ACTN3: variants seen among roughly 807,000 people sequenced by gnomAD.
The protein encoded by ACTN3 is actinin alpha 3.
A neutral mutation model predicts 119.6 loss-of-function variants in ACTN3; 91 were observed. The ratio of observed to expected loss-of-function variants is 0.76; its 90% CI spans 0.64 to 0.91. The LOEUF is 0.91. ACTN3 is among the 40% of genes least tolerant of loss of function. The pLI is 0.00. For synonymous variants in ACTN3, 456 were observed against 478.8 expected, an observed-to-expected ratio of 0.95 and a Z score of 0.62; for missense variants, 1,221 against 1,215.1, an observed-to-expected ratio of 1.00 and a Z score of -0.07.
upstream of ACTN3, chr11:66,546,885 G>C: frequency 1.3e-6 from 2 of 1,513,424 alleles, no homozygotes; most frequent in Non-Finnish European, 1.8e-6. Context: ...ACTTAATGGG[G>C]CCCGGGTGTC....
In ACTN3 at chr11:66,546,933, T is replaced by C. The variant is rs1304860861; in HGVS notation, c.-5T>C. The stretch of plus-strand genomic sequence containing the variant: ...GAGCGGAGCGAAGCCAGGAGCCCGA[T>C]CGAGATGATGATGGTTATGCAGCCC... On this transcript the variant is annotated 5_prime_UTR_variant, in exon 1 of 21. Coordinates refer to ENST00000513398, the MANE Select transcript of ACTN3 (RefSeq NM_001104.4). 6.5e-6 allele frequency: 10 copies of C among 1,538,600 alleles called. No individual in the cohort carries two copies. Among genetic ancestry groups the C allele is most frequent in the African/African-American group, 1.4e-5 (1 of 72,392 alleles).
upstream of ACTN3, chr11:66,546,547 TG>T: frequency 6.5e-7 from 1 of 1,535,586 alleles, no homozygotes; most frequent in Non-Finnish European, 8.7e-7. Flanking sequence ...AGCGAGGTGC[TG>T]GAAGAGGCTC....
At chr11:66,557,003 C>A in intron 8 of ACTN3, 130 bp from the exon 9 acceptor site, 1 of 682,826 alleles carries the variant, frequency 1.5e-6, no homozygotes, top group Non-Finnish European at 2.5e-6. Context: ...CCTCGTGATC[C>A]GCCCGCCTCG....
chr11:66,547,192 T>G (rs1442440944), intron 1 of ACTN3, 108 bp downstream of exon 1: 20 of 1,284,686 alleles, frequency 1.6e-5, no homozygotes, highest in East Asian at 2.9e-5. Context: ...TAACCTAGAG[T>G]GCTAATCCCC....
intron 9 of ACTN3, 87 bp from the exon 10 acceptor site, chr11:66,557,612 C>T: frequency 7.1e-7 from 1 of 1,417,984 alleles, no homozygotes. Flanking sequence ...ACACTCTGGC[C>T]ACAGCCTGGG....
Position 66,557,929 on chromosome 11 carries a change from G to T in ACTN3, c.1128G>T (p.Ser376=), listed in dbSNP as rs578185230. The T allele has an allele frequency of 6.4e-7, 1 of 1,566,758 alleles. No individual in the cohort carries two copies. The highest frequency in any genetic ancestry group is 1.4e-5 in the African/African-American group (1 of 70,992). The change falls in exon 10 of 21, where the codon TCG becomes TCT. Residue 376 remains serine (S), a splice_region_variant and synonymous_variant. Coordinates refer to ENST00000513398, the MANE Select transcript of ACTN3 (RefSeq NM_001104.4). ...AFMPSEGKLV[S]DIANAWRGLE... ...TGCCCTCCGAGGGCAAGCTGGTCTC[G>T]GTGAGCTCTACACACATTCCCTAGG...
Position 66,562,298 on chromosome 11 carries a change from CCTCAT to C in ACTN3, c.2368_2372del (p.Ile790HisfsTer4). Reference sequence around the variant, plus strand: ...TGGAGCCTGATGACTTCCGAGCTTGCCTCATCTCCATGGGCTATGACCTGGTGAGA... The same window carrying C: ...TGGAGCCTGATGACTTCCGAGCTTGCCTCCATGGGCTATGACCTGGTGAGA... On this transcript the variant is annotated frameshift_variant, in exon 19 of 21. Coordinates refer to ENST00000513398, the MANE Select transcript of ACTN3 (RefSeq NM_001104.4). LOFTEE classifies it high-confidence loss of function. The C allele has an allele frequency of 6.2e-7, 1 of 1,613,348 alleles. No individual in the cohort carries two copies. The highest frequency in any genetic ancestry group is 8.5e-7 in the Non-Finnish European group (1 of 1,179,854).
chr11:66,547,015 C>A lies in ACTN3; in HGVS notation c.78C>A (p.Tyr26Ter), dbSNP rs772378418. 1.3e-6 allele frequency: 2 copies of A among 1,524,754 alleles called. No homozygotes were observed. Among genetic ancestry groups the A allele is most frequent in the Non-Finnish European group, 1.8e-6 (2 of 1,140,348 alleles). The allele number at this position is 1,524,754 out of a possible 1,614,324, so 94.5% of individuals were successfully genotyped here. A position where few individuals can be genotyped will look rare whatever the true frequency, so the allele number is the denominator to read the frequency against. The change falls in exon 1 of 21, where the codon TAC becomes TAA. Residue 26 changes from tyrosine (Y) to a stop codon, truncating the protein, a stop_gained. Coordinates refer to ENST00000513398, the MANE Select transcript of ACTN3 (RefSeq NM_001104.4). LOFTEE classifies it high-confidence loss of function. ...RFAGGGGGGE[Y>*]MEQEEDWDRD... The stretch of plus-strand genomic sequence containing the variant: ...CGGGCGGCGGCGGGGGCGGCGAGTA[C>A]ATGGAACAGGAGGAGGACTGGGACC...
chr11:66,549,728 T>C (rs1857434389), intron 1 of ACTN3, among the ~76,000 whole-genome samples: 1 of 61,658 alleles, frequency 1.6e-5, no homozygotes, highest in African/African-American at 6.8e-5. Context: ...CGAAACTCTG[T>C]CTCCAAAAAA....
intron 20 of ACTN3, 32 bp from the exon 21 acceptor site, chr11:66,563,003 A>T: frequency 6.2e-7 from 1 of 1,607,400 alleles, no homozygotes; most frequent in East Asian, 2.2e-5. Flanking sequence ...AGGGCACGGG[A>T]CCTGTGGGTC....
Position 66,562,912 on chromosome 11 carries a change from T to C in ACTN3, c.2505T>C (p.Thr835=), listed in dbSNP as rs372736156. ...MTRETAETDT[T]EQVVASFKIL... ...GAGAGACAGCCGAGACTGACACGAC[T>C]GAGCAAGTTGTAGCTTCCTTCAAGA... The change falls in exon 20 of 21, where the codon ACT becomes ACC. Residue 835 remains threonine (T), a synonymous_variant. Coordinates refer to ENST00000513398, the MANE Select transcript of ACTN3 (RefSeq NM_001104.4). The C allele has an allele frequency of 7.4e-6, 12 of 1,613,592 alleles. No homozygotes were observed. The highest frequency in any genetic ancestry group is 4.0e-5 in the African/African-American group (3 of 74,878).
At chr11:66,555,614 A>G (rs749283311) in intron 7 of ACTN3, among the ~76,000 whole-genome samples, 7 of 151,892 alleles carry the variant, frequency 4.6e-5, no homozygotes, top group Non-Finnish European at 7.4e-5. Flanking sequence ...CATCCCAGTT[A>G]CCTGGGTTAC....
At chr11:66,555,849 T>C (rs1857579941) in intron 7 of ACTN3, among the ~76,000 whole-genome samples, 1 of 152,076 alleles carries the variant, frequency 6.6e-6, no homozygotes, top group African/African-American at 2.4e-5. Context: ...AGGTATAGGA[T>C]AGTTCAAGGC....
Position 66,555,148 on chromosome 11 carries a change from C to T in ACTN3, c.576C>T (p.Ala192=). The T allele has an allele frequency of 1.2e-6, 2 of 1,614,030 alleles. No homozygotes were observed. The highest frequency in any genetic ancestry group is 1.1e-5 in the South Asian group (1 of 91,072). ...TGTCCAGCTGGAAGGATGGCCTGGCCCTCTGTGCCCTCATCCACCGACACC... is the reference window on the plus strand; with the variant it reads ...TGTCCAGCTGGAAGGATGGCCTGGCTCTCTGTGCCCTCATCCACCGACACC... The part of the protein sequence containing the change: ...NFHTSWKDGL[A]LCALIHRHRP... The change falls in exon 6 of 21, where the codon GCC becomes GCT. Residue 192 remains alanine (A), a synonymous_variant. Coordinates refer to ENST00000513398, the MANE Select transcript of ACTN3 (RefSeq NM_001104.4).
At position 66,557,143 on chromosome 11, in the gene ACTN3, C is replaced by T; in HGVS notation, c.815C>T (p.Ala272Val). The change falls in exon 9 of 21, where the codon GCT (alanine) becomes GTT (valine). Residue 272 changes from alanine (A) to valine (V), a missense_variant. Ala to Val is a moderately conservative substitution (Grantham distance 64). Transcript: ENST00000513398. ...CCACTCCCCCCACAGGCAGAGACAGCTGCCAACAGGATCTGCAAGGTGCTG... is the reference window on the plus strand; with the variant it reads ...CCACTCCCCCCACAGGCAGAGACAGTTGCCAACAGGATCTGCAAGGTGCTG... ...AFAGAEQAETAANRICKVLAV... is the reference protein window; with the variant it reads ...AFAGAEQAETVANRICKVLAV... 2 of 1,552,708 alleles carry T rather than the reference C, an allele frequency of 1.3e-6. No homozygotes were observed. Among genetic ancestry groups the T allele is most frequent in the East Asian group, 2.4e-5 (1 of 40,958 alleles).
chr11:66,559,174 CCCG>C, intron 11 of ACTN3, 59 bp from the exon 12 acceptor site: 1 of 1,409,170 alleles, frequency 7.1e-7, no homozygotes, highest in Admixed American at 2.9e-5. Flanking sequence ...GGTCACGCAG[CCCG>C]CCGCGCACCC....
chr11:66,555,119 T>C lies in ACTN3; in HGVS notation c.558-11T>C. 1 of 1,613,718 alleles carries C rather than the reference T, an allele frequency of 6.2e-7. No homozygotes were observed. The highest frequency in any genetic ancestry group is 1.1e-5 in the South Asian group (1 of 91,054). On this transcript the variant is annotated splice_polypyrimidine_tract_variant and intron_variant, in intron 5 of 20. Transcript: ENST00000513398. ...GAACCCAGGCCTGACCCCCCTCTTC[T>C]CTCTGTCCAGCTGGAAGGATGGCCT...
At position 66,562,105 on chromosome 11, in the gene ACTN3, C is replaced by T. The variant is rs375759429; in HGVS notation, c.2259C>T (p.Asp753=). The change falls in exon 18 of 21, where the codon GAC becomes GAT. Residue 753 remains aspartate, a synonymous_variant. Transcript: ENST00000513398. ...TGGAGAACCAGGTACTGACCCGAGA[C>T]GCCAAGGGACTGAGCCAGGAGCAGC... ...NEVENQVLTR[D]AKGLSQEQLN... 16 of 1,614,032 alleles carry T rather than the reference C, an allele frequency of 9.9e-6. No individual in the cohort carries two copies. The African/African-American group carries it at 1.5e-4, about 15-fold the overall frequency.
chr11:66,554,385 G>T, intron 4 of ACTN3, 151 bp from the exon 5 acceptor site: 1 of 660,252 alleles, frequency 1.5e-6, no homozygotes, highest in Non-Finnish European at 2.5e-6. Context: ...TTGAGCCTGG[G>T]AGGTTGAGGC....
Sources: gnomAD v4.1 joint callset for allele counts (sites outside exome capture counted in the v4.1 genomes callset) on GRCh38, gnomAD v4.1.1 for gene constraint, MANE v1.5 for transcripts, NCBI Gene and HGNC (gene_info 2026-07-23, HGNC 2026-07-21) for gene names.